The following FGD5 variants were observed in gnomAD, a reference collection of about 807,000 sequenced individuals.
The protein encoded by FGD5 is FYVE, RhoGEF and PH domain containing 5.
In FGD5, 28 loss-of-function variants were observed where a neutral mutation model predicts 133.4. That is an observed-to-expected ratio of 0.21 (90% confidence interval 0.16 to 0.29). FGD5 has a LOEUF of 0.29. FGD5 is among the 10% of genes least tolerant of loss of function. The probability of loss-of-function intolerance (pLI) is 1.00; values close to 1 mark genes in which losing one functional copy is unlikely to be tolerated. For missense variants in FGD5, 1,858 were observed against 1,895.2 expected (o/e 0.98, Z 0.36); for synonymous variants, 810 against 776.5 (o/e 1.04, Z -0.72).
chr3:14,894,140 C>A (rs1268079541), intron 4 of FGD5, among the ~76,000 whole-genome samples: 1 of 152,202 alleles, frequency 6.6e-6, no homozygotes, highest in African/African-American at 2.4e-5. Flanking sequence ...CTGGTAACCA[C>A]CAGCCTACTT....
rs771176761 is a variant in FGD5, at chr3:14,922,788, C to T, written c.3807+240C>T. Among the ~76,000 whole-genome samples, 14 of 152,172 alleles carry T rather than the reference C, an allele frequency of 9.2e-5. No individual in the cohort carries two copies. The highest frequency in any genetic ancestry group is 1.9e-4 in the East Asian group (1 of 5,202). ...GTTTTCAACAGAAAACCGTAGCATA[C>T]GTGGCTATTGTGCTTGGAGAAAAAA... On this transcript the variant is annotated intron_variant, in intron 15 of 19. Transcript: ENST00000285046. This position sits in a 1 kb window ranked among gnomAD's most constrained non-coding sequence, Gnocchi z 4.1.
At chr3:14,911,742 C>T (rs1459953616) in intron 11 of FGD5, among the ~76,000 whole-genome samples, 1 of 148,712 alleles carries the variant, frequency 6.7e-6, no homozygotes, top group African/African-American at 2.5e-5. Context: ...AAGCAGACAG[C>T]CCATTGTAAA....
chr3:14,932,307 T>C (rs1341391210), intron 18 of FGD5: 1 of 306,684 alleles, frequency 3.3e-6, no homozygotes, highest in Non-Finnish European at 6.0e-6. Flanking sequence ...GGTCTCGAAC[T>C]CCTGACCTCA....
chr3:14,823,324 C>T (rs1459666214), intron 1 of FGD5, among the ~76,000 whole-genome samples: 3 of 152,134 alleles, frequency 2.0e-5, no homozygotes, highest in Non-Finnish European at 2.9e-5. Flanking sequence ...CACAGGGAAC[C>T]CGTCACTCCC....
chr3:14,813,834 C>T (rs1452791561), intron 1 of FGD5, among the ~76,000 whole-genome samples: 1 of 152,164 alleles, frequency 6.6e-6, no homozygotes, highest in African/African-American at 2.4e-5. Flanking sequence ...AATTGAACTT[C>T]TACATAGCCA....
At chr3:14,926,332 T>G in intron 18 of FGD5, 134 bp downstream of exon 18, 1 of 1,122,142 alleles carries the variant, frequency 8.9e-7, no homozygotes, top group Admixed American at 1.9e-5. Flanking sequence ...GTCAAGTCTT[T>G]AGTGAGCAAT....
At chr3:14,864,598 C>T (rs938981380) in intron 2 of FGD5, among the ~76,000 whole-genome samples, 7 of 152,174 alleles carry the variant, frequency 4.6e-5, no homozygotes, top group Non-Finnish European at 7.3e-5. Flanking sequence ...CCCTGGGCCT[C>T]AGTTTCCTCA....
chr3:14,927,464 AAATG>A (rs144691501), intron 18 of FGD5, among the ~76,000 whole-genome samples: 94 of 152,224 alleles, frequency 6.2e-4, no homozygotes, highest in Admixed American at 1.1e-3. Context: ...ACGAAAAATA[AAATG>A]AATGAATGAA....
chr3:14,850,163 G>A (rs2037132252), intron 1 of FGD5, among the ~76,000 whole-genome samples: 1 of 152,176 alleles, frequency 6.6e-6, no homozygotes, highest in African/African-American at 2.4e-5. Context: ...CAGAGCGGAG[G>A]TTGCAGGAGA....
intron 2 of FGD5, among the ~76,000 whole-genome samples, chr3:14,879,454 G>GT (rs1232017772): frequency 6.6e-6 from 1 of 152,242 alleles, no homozygotes; most frequent in East Asian, 1.9e-4. Flanking sequence ...CATCCTTCCT[G>GT]TTTATAGACA....
Position 14,898,093 on chromosome 3 carries a change from G to A in FGD5, c.3064G>A (p.Glu1022Lys). The A allele has an allele frequency of 1.2e-6, 2 of 1,614,038 alleles. No individual in the cohort carries two copies. Among genetic ancestry groups the A allele is most frequent in the Non-Finnish European group, 1.7e-6 (2 of 1,179,900 alleles). The change falls in exon 6 of 20, where the codon GAG (glutamate) becomes AAG (lysine). Residue 1022 changes from glutamate (E) to lysine (K), a missense_variant and splice_region_variant. Around this residue, in one of 3 missense-constraint regions of FGD5, gnomAD observed 1,824 missense variants for 1,848.9 expected, o/e 0.99. Coordinates refer to ENST00000285046, the MANE Select transcript of FGD5 (RefSeq NM_152536.4). Reference protein sequence around the residue: ...PRLAAAVREFEQSVQGGSQTA... With the variant: ...PRLAAAVREFKQSVQGGSQTA... ...GCTGGCAGCTGCTGTCCGTGAATTT[G>A]AGGTGGGTCCCTTGGTCCTCTGAGA...
At chr3:14,927,931 AT>A (rs60432520) in intron 18 of FGD5, among the ~76,000 whole-genome samples, 8,490 of 138,372 alleles carry the variant, frequency 0.061, 224 homozygotes, top group Middle Eastern at 0.18. Context: ...GGCCTAGCTA[AT>A]TTTTTTTTTT....
At chr3:14,881,658 A>C (rs1375794982) in intron 4 of FGD5, among the ~76,000 whole-genome samples, 1 of 152,212 alleles carries the variant, frequency 6.6e-6, no homozygotes, top group Admixed American at 6.5e-5. Flanking sequence ...ATGGTTGAGC[A>C]CTGGGTTCTA....
intron 1 of FGD5, among the ~76,000 whole-genome samples, chr3:14,813,190 AAAGG>A (rs566124388): frequency 3.7e-4 from 56 of 152,078 alleles, no homozygotes; most frequent in Middle Eastern, 3.4e-3. Flanking sequence ...CTATGAAAAA[AAAGG>A]GGGTATTTCA....
At chr3:14,836,280 G>C (rs2036816248) in intron 1 of FGD5, among the ~76,000 whole-genome samples, 1 of 152,238 alleles carries the variant, frequency 6.6e-6, no homozygotes, top group Admixed American at 6.5e-5. Flanking sequence ...GCTCCTTGTA[G>C]ATGCTGCATC....
chr3:14,850,785 T>TG (rs111657376), intron 1 of FGD5, among the ~76,000 whole-genome samples: 5,195 of 40,968 alleles, frequency 0.13, 117 homozygotes, highest in Non-Finnish European at 0.12. Flanking sequence ...GGACCTTGGT[T>TG]GGGGGGGCAG....
At chr3:14,845,164 C>T (rs1322361417) in intron 1 of FGD5, among the ~76,000 whole-genome samples, 1 of 152,182 alleles carries the variant, frequency 6.6e-6, no homozygotes, top group Non-Finnish European at 1.5e-5. Flanking sequence ...GCCCTGATGC[C>T]TTCACTCCAC....
intron 2 of FGD5, among the ~76,000 whole-genome samples, chr3:14,876,937 T>C (rs1165751260): frequency 6.6e-6 from 1 of 152,192 alleles, no homozygotes; most frequent in Non-Finnish European, 1.5e-5. Flanking sequence ...GGTCCCAGAA[T>C]AGCCAAGTGT....
chr3:14,840,501 G>A (rs985430406), intron 1 of FGD5, among the ~76,000 whole-genome samples: 6 of 150,570 alleles, frequency 4.0e-5, no homozygotes, highest in Non-Finnish European at 7.4e-5. Context: ...AGACATAAAT[G>A]GAAGCATAGT....
Sources: allele counts gnomAD v4.1 joint callset (sites outside exome capture counted in the v4.1 genomes callset), GRCh38; gene constraint gnomAD v4.1.1; regional missense constraint gnomAD v4.1.1; non-coding constraint Gnocchi (gnomAD v3.1); transcripts MANE v1.5; gene names NCBI Gene and HGNC (gene_info 2026-07-23, HGNC 2026-07-21).